MTNAP1: variants seen among roughly 807,000 people sequenced by gnomAD.
MTNAP1 encodes mitochondrial nucleoid associated protein 1, also known as mitochondrial nucleoid-associated protein 1.
the MTNAP1 span, chr17:73,235,738 C>T: frequency 6.2e-7 from 1 of 1,614,146 alleles, no homozygotes; most frequent in Non-Finnish European, 8.5e-7. Flanking sequence ...GGTGGACAAA[C>T]CAGAACAGAC....
At chr17:73,236,267 C>G in the MTNAP1 span, 8 of 1,614,018 alleles carry the variant, frequency 5.0e-6, no homozygotes, top group Admixed American at 3.3e-5. Flanking sequence ...TCAGGAGTCC[C>G]TACTGATGTT....
the MTNAP1 span, among the ~76,000 whole-genome samples, chr17:73,237,527 G>A: frequency 6.6e-6 from 1 of 152,170 alleles, no homozygotes; most frequent in African/African-American, 2.4e-5. Flanking sequence ...CCCAAGAGTT[G>A]AGGGTTACAC....
At chr17:73,235,522 T>G in the MTNAP1 span, 2 of 1,613,942 alleles carry the variant, frequency 1.2e-6, no homozygotes, top group South Asian at 2.2e-5. Flanking sequence ...GTGTCCTTAC[T>G]GTAAGAAGCC....
the MTNAP1 span, chr17:73,236,423 A>T: frequency 6.2e-7 from 1 of 1,614,190 alleles, no homozygotes; most frequent in Middle Eastern, 1.6e-4. Flanking sequence ...GGAAATGCAG[A>T]GAAAAGTATG....
At chr17:73,248,423 A>G in the MTNAP1 span, 62 of 1,318,762 alleles carry the variant, frequency 4.7e-5, no homozygotes, top group Non-Finnish European at 5.6e-5. Flanking sequence ...CATGCTGCAG[A>G]AGGAGGGGGT....
the MTNAP1 span, chr17:73,235,880 A>G: frequency 6.2e-7 from 1 of 1,613,984 alleles, no homozygotes; most frequent in Non-Finnish European, 8.5e-7. Flanking sequence ...ACTACTTTCC[A>G]AGAAGAAACC....
chr17:73,239,368 TA>T, the MTNAP1 span, among the ~76,000 whole-genome samples: 1 of 152,176 alleles, frequency 6.6e-6, no homozygotes, highest in Non-Finnish European at 1.5e-5. Flanking sequence ...CTTTTCATTT[TA>T]GAGGAAAAAG....
the MTNAP1 span, among the ~76,000 whole-genome samples, chr17:73,243,889 T>C: frequency 6.6e-6 from 1 of 152,190 alleles, no homozygotes; most frequent in East Asian, 1.9e-4. Context: ...ACTGTTACCC[T>C]GCTCCAATGG....
At chr17:73,247,544 T>A in the MTNAP1 span, 12 of 536,310 alleles carry the variant, frequency 2.2e-5, no homozygotes, top group Non-Finnish European at 4.0e-5. Flanking sequence ...TGCTGAAACA[T>A]AATGAAAAGG....
chr17:73,238,465 CTA>C, the MTNAP1 span, among the ~76,000 whole-genome samples: 1 of 152,216 alleles, frequency 6.6e-6, no homozygotes, highest in Non-Finnish European at 1.5e-5. Context: ...CACTAAACCT[CTA>C]TTTGCCTGGT....
At chr17:73,245,826 T>A in the MTNAP1 span, 1 of 647,908 alleles carries the variant, frequency 1.5e-6, no homozygotes, top group Non-Finnish European at 1.9e-6. Context: ...CTTAATTGAG[T>A]ATAATAATGA....
chr17:73,242,948 G>A, the MTNAP1 span: 4 of 1,613,542 alleles, frequency 2.5e-6, no homozygotes, highest in Non-Finnish European at 3.4e-6. Context: ...GTGGCATCAC[G>A]ATGCTCTTCA....
At chr17:73,242,169 T>C in the MTNAP1 span, 7 of 946,324 alleles carry the variant, frequency 7.4e-6, no homozygotes, top group Admixed American at 1.8e-4. Context: ...TAGCCGTGGA[T>C]CCTTCGGCAC....
chr17:73,237,026 T>C, the MTNAP1 span: 2 of 1,507,592 alleles, frequency 1.3e-6, no homozygotes, highest in Non-Finnish European at 1.8e-6. Flanking sequence ...TTGCCATCTG[T>C]CCCATCCAAA....
chr17:73,240,487 T>C, the MTNAP1 span, among the ~76,000 whole-genome samples: 3 of 152,190 alleles, frequency 2.0e-5, no homozygotes, highest in African/African-American at 2.4e-5. Flanking sequence ...TATCAATCTA[T>C]AGGGATTAAA....
At chr17:73,235,830 C>G in the MTNAP1 span, 1 of 1,614,136 alleles carries the variant, frequency 6.2e-7, no homozygotes, top group Non-Finnish European at 8.5e-7. Flanking sequence ...AGAATCCAAT[C>G]CAACCATCCT....
chr17:73,248,472 C>G, the MTNAP1 span: 9 of 1,551,100 alleles, frequency 5.8e-6, no homozygotes, highest in Non-Finnish European at 7.0e-6. Flanking sequence ...ATTGGAGTGC[C>G]CCGCTAGGTA....
At chr17:73,233,296 C>T in the MTNAP1 span, 1 of 152,294 alleles carries the variant, frequency 6.6e-6, no homozygotes, top group African/African-American at 2.4e-5. Context: ...GAAGCACCCA[C>T]AAAACTAGCA....
the MTNAP1 span, chr17:73,242,300 C>G: frequency 7.2e-5 from 116 of 1,606,738 alleles, no homozygotes; most frequent in South Asian, 1.2e-3. Context: ...CCCTGCCGGA[C>G]TTACAACCTC....
Sources: gnomAD v4.1 joint callset for allele counts (sites outside exome capture counted in the v4.1 genomes callset) on GRCh38, gnomAD v4.1.1 for gene constraint, MANE v1.5 for transcripts, NCBI Gene and HGNC (gene_info 2026-07-23, HGNC 2026-07-21) for gene names.